TASP1: variants seen among roughly 807,000 people sequenced by gnomAD.
TASP1 encodes the protein threonine aspartase 1.
Under a neutral mutation model 56.6 loss-of-function variants are expected in TASP1, and 16 were observed. The observed-to-expected ratio is 0.28, with a 90% CI of 0.19 to 0.43. TASP1 has a LOEUF of 0.43. TASP1 is among the 20% of genes least tolerant of loss of function. TASP1 has a pLI of 1.00. For synonymous variants in TASP1, 179 were observed against 184.2 expected (o/e 0.97, Z 0.23); for missense variants, 393 against 511.6 (o/e 0.77, Z 2.24).
intron 4 of TASP1, among the ~76,000 whole-genome samples, chr20:13,619,111 G>T (rs1444974532): frequency 6.6e-6 from 1 of 152,100 alleles, no homozygotes; most frequent in African/African-American, 2.4e-5. Flanking sequence ...CTGACCTCAT[G>T]ATCCATCCGC....
At chr20:13,317,066 G>A in the TASP1 span, among the ~76,000 whole-genome samples, 18 of 151,754 alleles carry the variant, frequency 1.2e-4, no homozygotes, top group African/African-American at 3.4e-4. Context: ...AAAAAATCTG[G>A]AATTAATAAG....
the TASP1 span, among the ~76,000 whole-genome samples, chr20:13,352,892 T>A: frequency 3.3e-5 from 5 of 152,222 alleles, no homozygotes; most frequent in Non-Finnish European, 5.9e-5. Flanking sequence ...TTGCTTTAGC[T>A]GTCAATTCCA....
the TASP1 span, among the ~76,000 whole-genome samples, chr20:13,252,389 A>G: frequency 1.3e-4 from 20 of 152,234 alleles, no homozygotes; most frequent in South Asian, 1.7e-3. Flanking sequence ...ATGGTCTGAG[A>G]TTTATCCTTG....
chr20:13,279,405 T>C, the TASP1 span, among the ~76,000 whole-genome samples: 6 of 152,186 alleles, frequency 3.9e-5, no homozygotes, highest in Non-Finnish European at 8.8e-5. Context: ...TCAGGGACTC[T>C]AGTGATGAAT....
the TASP1 span, among the ~76,000 whole-genome samples, chr20:13,157,025 A>G: frequency 6.6e-6 from 1 of 152,240 alleles, no homozygotes; most frequent in South Asian, 2.1e-4. Context: ...AGAAGAGCTA[A>G]TATCACAGAG....
At chr20:13,504,831 A>C (rs192615287) in intron 10 of TASP1, among the ~76,000 whole-genome samples, 80 of 152,270 alleles carry the variant, frequency 5.3e-4, no homozygotes, top group African/African-American at 1.8e-3. Flanking sequence ...GTAACTACAA[A>C]GCAAAAGAGC....
chr20:13,480,983 A>T (rs1379128034), intron 11 of TASP1, among the ~76,000 whole-genome samples: 2 of 152,080 alleles, frequency 1.3e-5, no homozygotes, highest in East Asian at 1.9e-4. Flanking sequence ...TAGTTATTTT[A>T]AAATGTATAA....
intron 13 of TASP1, among the ~76,000 whole-genome samples, chr20:13,397,796 A>G (rs1037238856): frequency 6.6e-6 from 1 of 152,176 alleles, no homozygotes; most frequent in African/African-American, 2.4e-5. Context: ...GGTAAAAGTG[A>G]AAAACTTCAA....
the TASP1 span, chr20:13,164,383 A>C: frequency 1.1e-5 from 5 of 474,370 alleles, no homozygotes; most frequent in South Asian, 7.7e-5. Context: ...TGAAGATATA[A>C]CTTCAAATGC....
intron 12 of TASP1, among the ~76,000 whole-genome samples, chr20:13,420,005 A>G (rs1312460264): frequency 6.6e-6 from 1 of 152,224 alleles, no homozygotes; most frequent in Non-Finnish European, 1.5e-5. Flanking sequence ...AGTCTTACTG[A>G]AGTTCTCTAG....
At chr20:13,295,112 G>A in the TASP1 span, among the ~76,000 whole-genome samples, 1 of 152,118 alleles carries the variant, frequency 6.6e-6, no homozygotes, top group Non-Finnish European at 1.5e-5. Context: ...CCAGGCTCCT[G>A]GGTCAGAGCT....
the TASP1 span, among the ~76,000 whole-genome samples, chr20:13,200,706 C>G: frequency 6.6e-6 from 1 of 152,086 alleles, no homozygotes; most frequent in African/African-American, 2.4e-5. Flanking sequence ...AAATTGAAAA[C>G]ACCAACGGAG....
chr20:13,423,830 T>A (rs1373493336), intron 12 of TASP1, among the ~76,000 whole-genome samples: 1 of 152,240 alleles, frequency 6.6e-6, no homozygotes, highest in Non-Finnish European at 1.5e-5. Flanking sequence ...ACAATATATA[T>A]GAAGAATTTC....
chr20:13,452,537 T>C (rs2043663045), intron 11 of TASP1, among the ~76,000 whole-genome samples: 1 of 151,942 alleles, frequency 6.6e-6, no homozygotes, highest in Non-Finnish European at 1.5e-5. Flanking sequence ...TTCATATATA[T>C]ACATATTCCA....
At chr20:13,293,485 A>G in the TASP1 span, among the ~76,000 whole-genome samples, 1 of 151,902 alleles carries the variant, frequency 6.6e-6, no homozygotes, top group Admixed American at 6.6e-5. Context: ...CCTCAGTCAA[A>G]ATTTAGCAGT....
At chr20:13,298,940 A>G in the TASP1 span, 1 of 1,612,416 alleles carries the variant, frequency 6.2e-7, no homozygotes, top group Non-Finnish European at 8.5e-7. Flanking sequence ...GGCCTTTTCC[A>G]GACACAGACA....
the TASP1 span, among the ~76,000 whole-genome samples, chr20:13,250,208 A>G: frequency 0.3 from 45,104 of 152,044 alleles, 7,004 homozygotes; most frequent in African/African-American, 0.41. Flanking sequence ...GGGATGGCCT[A>G]GGTTTCAAAT....
chr20:13,460,431 C>T (rs1157404435), intron 11 of TASP1, among the ~76,000 whole-genome samples: 1 of 152,134 alleles, frequency 6.6e-6, no homozygotes, highest in Non-Finnish European at 1.5e-5. Flanking sequence ...TTCCTGATCT[C>T]ATATCATGTA....
intron 4 of TASP1, among the ~76,000 whole-genome samples, chr20:13,593,826 C>T (rs1224363166): frequency 5.3e-5 from 8 of 152,332 alleles, no homozygotes; most frequent in Non-Finnish European, 1.2e-4. Context: ...ACGTCCCTGT[C>T]TGATAGCTCT....
Sources: allele counts gnomAD v4.1 joint callset (sites outside exome capture counted in the v4.1 genomes callset), GRCh38; gene constraint gnomAD v4.1.1; transcripts MANE v1.5; gene names NCBI Gene and HGNC (gene_info 2026-07-23, HGNC 2026-07-21).